The following CSPP1 variants were observed in gnomAD, a reference collection of about 807,000 sequenced individuals.
The protein encoded by CSPP1 is centrosome and spindle pole associated protein 1, also known as centrosome and spindle pole-associated protein 1.
Under a neutral mutation model 164.4 loss-of-function variants are expected in CSPP1, and 126 were observed. The observed-to-expected ratio is 0.77, with a 90% CI of 0.66 to 0.89. The LOEUF (loss-of-function observed/expected upper bound fraction) is 0.89, where lower values mean the gene tolerates loss of function less well. Ranked by LOEUF, CSPP1 falls within the 40% of genes least tolerant of loss-of-function variation. CSPP1 has a pLI of 0.00. For synonymous variants in CSPP1, 472 were observed against 476.7 expected (o/e 0.99, Z 0.13); for missense variants, 1,395 against 1,449.8 (o/e 0.96, Z 0.61).
chr8:67,091,387 A>C (rs1029979491), intron 4 of CSPP1, among the ~76,000 whole-genome samples: 6 of 152,224 alleles, frequency 3.9e-5, no homozygotes, highest in Non-Finnish European at 8.8e-5. Flanking sequence ...TTATAGGAAA[A>C]ATAGAAAAAA....
At chr8:67,166,987 T>C (rs1172530571) in intron 24 of CSPP1, among the ~76,000 whole-genome samples, 2 of 152,156 alleles carry the variant, frequency 1.3e-5, no homozygotes, top group Non-Finnish European at 2.9e-5. Flanking sequence ...CCGCCCTTAA[T>C]CCATTTAACC....
At chr8:67,073,336 A>T (rs1807228882) in intron 1 of CSPP1, among the ~76,000 whole-genome samples, 1 of 152,180 alleles carries the variant, frequency 6.6e-6, no homozygotes, top group Non-Finnish European at 1.5e-5. Flanking sequence ...CATAATCTAA[A>T]TTTAGTCATT....
chr8:67,118,702 T>A (rs1265313764), intron 14 of CSPP1, 41 bp from the exon 15 acceptor site: 3 of 1,343,038 alleles, frequency 2.2e-6, no homozygotes, highest in Non-Finnish European at 3.1e-6. Flanking sequence ...TAAATGATTA[T>A]TCTAAATAAA....
intron 28 of CSPP1, among the ~76,000 whole-genome samples, chr8:67,187,683 C>CA (rs1563789950): frequency 1.3e-5 from 2 of 151,976 alleles, no homozygotes; most frequent in African/African-American, 4.8e-5. Context: ...GACCTTGTCT[C>CA]AAAAAAAGAA....
chr8:67,190,540 G>T, intron 28 of CSPP1, 110 bp from the exon 29 acceptor site: 1 of 758,844 alleles, frequency 1.3e-6, no homozygotes, highest in South Asian at 1.5e-5. Context: ...CATTGAGTGT[G>T]TTTCATGGTA....
In CSPP1 at chr8:67,076,564, A is replaced by T; in HGVS notation, c.182A>T (p.Gln61Leu). ...AKENIPPNSQ[Q>L]TRGSLGIDYG... ...GAAAACATACCACCAAATAGTCAAC[A>T]GACCAGGGGTTCCTTAGGTATGTCA... The change falls in exon 3 of 31, where the codon CAG becomes CTG. Residue 61 changes from glutamine to leucine, a missense_variant. Coordinates refer to ENST00000678616, the MANE Select transcript of CSPP1 (RefSeq NM_001382391.1). 6.3e-7 allele frequency: 1 copy of T among 1,592,056 alleles called. No homozygotes were observed. Among genetic ancestry groups the T allele is most frequent in the South Asian group, 1.1e-5 (1 of 88,500 alleles).
intron 17 of CSPP1, among the ~76,000 whole-genome samples, chr8:67,148,714 C>T (rs1340591863): frequency 6.6e-6 from 1 of 152,198 alleles, no homozygotes; most frequent in Non-Finnish European, 1.5e-5. Context: ...GGTTTAAGTT[C>T]ACTTTCAGTG....
rs1437869826 is a variant in CSPP1, at chr8:67,195,468, C to T, written c.3556C>T (p.Leu1186Phe). 1 of 1,614,186 alleles carries T rather than the reference C, an allele frequency of 6.2e-7. No individual in the cohort carries two copies. The highest frequency in any genetic ancestry group is 1.7e-5 in the Admixed American group (1 of 60,022). The change falls in exon 31 of 31, where the codon CTC (leucine) becomes TTC (phenylalanine). Residue 1186 changes from leucine to phenylalanine, a missense_variant. By Grantham distance (22) the Leu-to-Phe change is conservative. Transcript: ENST00000678616. ...GSNSVATEPW[L>F]RPGTSETLKR... is the part of the protein sequence containing the mutation. ...AAACTCTGTAGCAACTGAGCCCTGG[C>T]TCCGCCCTGGCACTTCAGAAACGCT...
intron 25 of CSPP1, among the ~76,000 whole-genome samples, chr8:67,173,309 T>G (rs559354421): frequency 2.0e-5 from 3 of 152,218 alleles, no homozygotes; most frequent in Admixed American, 6.5e-5. Flanking sequence ...TTAGGGCTAA[T>G]GGAAGAGAAA....
Position 67,095,620 on chromosome 8 carries a change from A to AG in CSPP1, c.812dup (p.Arg272ThrfsTer4). The AG allele has an allele frequency of 1.9e-6, 3 of 1,613,754 alleles. No individual in the cohort carries two copies. Among genetic ancestry groups the AG allele is most frequent in the South Asian group, 2.2e-5 (2 of 91,074 alleles). ...ATTTAATGAGGATCGTGTTTTTGAT[A>AG]GACGGTATCATAGACCAGACCAAGA... On this transcript the variant is annotated frameshift_variant, in exon 7 of 31. Transcript: ENST00000678616. LOFTEE classifies it high-confidence loss of function.
chr8:67,158,925 C>A, intron 20 of CSPP1, 66 bp from the exon 21 acceptor site: 2 of 1,257,902 alleles, frequency 1.6e-6, no homozygotes, highest in Non-Finnish European at 1.1e-6. Context: ...ATAAATAAGG[C>A]AGCACATTTT....
At chr8:67,144,842 G>GC (rs1824181493) in intron 17 of CSPP1, among the ~76,000 whole-genome samples, 1 of 151,946 alleles carries the variant, frequency 6.6e-6, no homozygotes, top group Non-Finnish European at 1.5e-5. Context: ...GCTGAGGCAG[G>GC]TGGATCACAA....
At chr8:67,112,723 C>T (rs527618914) in intron 10 of CSPP1, among the ~76,000 whole-genome samples, 1 of 152,320 alleles carries the variant, frequency 6.6e-6, no homozygotes, top group Admixed American at 6.5e-5. Flanking sequence ...CTTCTCCCTG[C>T]TCCAGTAGAT....
intron 8 of CSPP1, among the ~76,000 whole-genome samples, chr8:67,104,266 T>G (rs1323050790): frequency 1.3e-5 from 2 of 152,020 alleles, no homozygotes; most frequent in African/African-American, 4.8e-5. Context: ...AAAGGTTTTT[T>G]TTTTTTTTTC....
intron 17 of CSPP1, among the ~76,000 whole-genome samples, chr8:67,139,413 A>G (rs1287263423): frequency 6.6e-6 from 1 of 152,092 alleles, no homozygotes; most frequent in Non-Finnish European, 1.5e-5. Context: ...AACTAGTTCA[A>G]CCATTGTGGA....
chr8:67,160,082 A>G (rs1347888544), intron 21 of CSPP1, among the ~76,000 whole-genome samples: 1 of 132,074 alleles, frequency 7.6e-6, no homozygotes, highest in Non-Finnish European at 1.6e-5. Flanking sequence ...AGGTCTTGCT[A>G]TGTTGCCCAG....
intron 1 of CSPP1, among the ~76,000 whole-genome samples, chr8:67,073,034 T>G (rs1396495152): frequency 1.3e-5 from 2 of 152,156 alleles, no homozygotes; most frequent in African/African-American, 4.8e-5. Flanking sequence ...CTCAGAGAGA[T>G]AACCACTAAA....
chr8:67,082,178 G>T (rs1012877773), intron 3 of CSPP1, among the ~76,000 whole-genome samples: 2 of 152,158 alleles, frequency 1.3e-5, no homozygotes, highest in Non-Finnish European at 2.9e-5. Context: ...CTCCTGAGTA[G>T]CTGAGATTAC....
At position 67,195,994 on chromosome 8, in the gene CSPP1, A is replaced by ACAT. The variant is rs1837865824; in HGVS notation, c.*403_*405dup. The ACAT allele has an allele frequency of 5.8e-6, 1 of 171,756 alleles. No homozygotes were observed. Among genetic ancestry groups the ACAT allele is most frequent in the African/African-American group, 2.4e-5 (1 of 41,690 alleles). 10.6% of individuals were successfully genotyped at this position (171,756 alleles called of 1,614,324 possible). A position where few individuals can be genotyped will look rare whatever the true frequency, so the allele number is the denominator to read the frequency against. On this transcript the variant is annotated 3_prime_UTR_variant, in exon 31 of 31. Transcript: ENST00000678616. ...ATGCAAAAGAATTCATTTAGTAGGTACATCTATTGTAGCTGTGATTATTCC... is the reference window on the plus strand; with the variant it reads ...ATGCAAAAGAATTCATTTAGTAGGTACATCATCTATTGTAGCTGTGATTATTCC...
Sources: gnomAD v4.1 joint callset for allele counts (sites outside exome capture counted in the v4.1 genomes callset) on GRCh38, gnomAD v4.1.1 for gene constraint, MANE v1.5 for transcripts, NCBI Gene and HGNC (gene_info 2026-07-23, HGNC 2026-07-21) for gene names.